Variants in RASA1 observed in about 807,000 individuals in gnomAD.
RASA1 encodes ras GTPase-activating protein 1.
Under a neutral mutation model 132.2 loss-of-function variants are expected in RASA1, and 25 were observed. The ratio of observed to expected loss-of-function variants is 0.19; its 90% CI spans 0.14 to 0.26. The LOEUF is 0.26. Among genes scored for constraint, RASA1 ranks in the 10% least tolerant of loss-of-function variants. RASA1 has a pLI of 1.00. For missense variants in RASA1, 964 were observed against 1,299.2 expected (o/e 0.74, Z 3.97); for synonymous variants, 477 against 449.9 (o/e 1.06, Z -0.76).
intron 11 of RASA1, among the ~76,000 whole-genome samples, chr5:87,368,358 CATTTTA>C (rs1760681175): frequency 6.6e-6 from 1 of 151,968 alleles, no homozygotes. Flanking sequence ...TTTTCTTAAA[CATTTTA>C]ATTATAATTA....
chr5:87,358,492 C>A (rs1490716036), intron 9 of RASA1, among the ~76,000 whole-genome samples: 1 of 152,148 alleles, frequency 6.6e-6, no homozygotes, highest in Admixed American at 6.5e-5. Flanking sequence ...TCAGGAAGAT[C>A]ATACTGACTC....
chr5:87,322,664 T>C (rs1756916780), intron 1 of RASA1, among the ~76,000 whole-genome samples: 1 of 152,196 alleles, frequency 6.6e-6, no homozygotes, highest in African/African-American at 2.4e-5. Flanking sequence ...TCTATAGTCC[T>C]GCAGAACCAT....
intron 1 of RASA1, among the ~76,000 whole-genome samples, chr5:87,325,290 A>G (rs770865411): frequency 6.6e-6 from 1 of 152,242 alleles, no homozygotes; most frequent in Admixed American, 6.5e-5. Flanking sequence ...GGTCCCACCC[A>G]CAACATGTGG....
intron 1 of RASA1, among the ~76,000 whole-genome samples, chr5:87,324,600 C>T (rs1185103034): frequency 6.6e-6 from 1 of 152,082 alleles, no homozygotes; most frequent in Non-Finnish European, 1.5e-5. Context: ...GCATTTCTGC[C>T]CTTACTTTGA....
chr5:87,304,509 C>T (rs1755519262), intron 1 of RASA1, among the ~76,000 whole-genome samples: 1 of 151,040 alleles, frequency 6.6e-6, no homozygotes, highest in South Asian at 2.1e-4. Context: ...ACTCTGTTGC[C>T]CAGGCCGGAG....
chr5:87,272,269 C>G (rs920504048), intron 1 of RASA1, among the ~76,000 whole-genome samples: 3 of 151,920 alleles, frequency 2.0e-5, no homozygotes, highest in Non-Finnish European at 4.4e-5. Flanking sequence ...GTATATGAAA[C>G]TTGTTCATGT....
intron 6 of RASA1, among the ~76,000 whole-genome samples, chr5:87,345,721 A>G (rs1758812720): frequency 6.6e-6 from 1 of 152,146 alleles, no homozygotes; most frequent in Non-Finnish European, 1.5e-5. Context: ...AACAATGTGA[A>G]TGACCTCTGA....
At position 87,390,871 on chromosome 5, in the gene RASA1, T is replaced by C. The variant is rs149297860; in HGVS notation, c.3132T>C (p.Asn1044=). Residue 1044 remains asparagine (N), a synonymous_variant, in exon 25 of 25, where the codon AAT becomes AAC. Transcript: ENST00000274376. Reference sequence around the variant, plus strand: ...AACAAAACCAGTATACAAAAACCAATGATGTCAGGTAGCAGCCTTCGCCCC... The same window carrying C: ...AACAAAACCAGTATACAAAAACCAACGATGTCAGGTAGCAGCCTTCGCCCC... ...QQKQNQYTKT[N]DVR is the part of the protein sequence containing the mutation. 5.5e-5 allele frequency: 88 copies of C among 1,611,376 alleles called. No individual in the cohort carries two copies. The highest frequency in any genetic ancestry group is 1.6e-4 in the Middle Eastern group (1 of 6,072).
chr5:87,385,770 A>G (rs1482358213), intron 22 of RASA1, among the ~76,000 whole-genome samples: 2 of 152,168 alleles, frequency 1.3e-5, no homozygotes, highest in East Asian at 1.9e-4. Context: ...TGTACTATCT[A>G]AGGATAATGA....
rs561820281 is a variant in RASA1 at position 87,308,644 on chromosome 5, A to C, written c.540-22704A>C. 4.6e-5 allele frequency among the ~76,000 whole-genome samples: 7 copies of C among 152,344 alleles called. No individual in the cohort carries two copies. The South Asian group carries it at 1.4e-3, about 32-fold the overall frequency. On this transcript the variant is annotated intron_variant, in intron 1 of 24. Coordinates refer to ENST00000274376, the MANE Select transcript of RASA1 (RefSeq NM_002890.3). ...TATAATGTACATGCATTTGTATAAC[A>C]CATAAGTATACGTTTACCTATGTGT...
intron 11 of RASA1, among the ~76,000 whole-genome samples, chr5:87,367,718 G>C (rs1261105013): frequency 6.6e-6 from 1 of 152,074 alleles, no homozygotes; most frequent in Non-Finnish European, 1.5e-5. Flanking sequence ...TCTCACTGTG[G>C]TATTTATTGC....
At chr5:87,342,307 C>G (rs1758531720) in intron 6 of RASA1, among the ~76,000 whole-genome samples, 1 of 151,980 alleles carries the variant, frequency 6.6e-6, no homozygotes, top group African/African-American at 2.4e-5. Context: ...CACCGGCGCA[C>G]AACACCATGC....
At chr5:87,283,493 A>G (rs1322569173) in intron 1 of RASA1, among the ~76,000 whole-genome samples, 1 of 152,064 alleles carries the variant, frequency 6.6e-6, no homozygotes, top group Non-Finnish European at 1.5e-5. Flanking sequence ...TGTTTACTAT[A>G]GAAAATTTGG....
chr5:87,305,406 A>G (rs1047706818), intron 1 of RASA1, among the ~76,000 whole-genome samples: 9 of 152,188 alleles, frequency 5.9e-5, no homozygotes, highest in African/African-American at 2.2e-4. Flanking sequence ...GGAAAGGACT[A>G]TTAAATGGTG....
chr5:87,331,357 C>A lies in RASA1; in HGVS notation c.549C>A (p.His183Gln). ...LTAPPTNQWY[H>Q]GKLDRTIAEE... is the part of the protein sequence containing the mutation. ...TCTGTTTTTCCCCTAGGTGGTATCA[C>A]GGAAAACTTGACAGAACGATAGCAG... The change falls in exon 2 of 25, where the codon CAC (histidine) becomes CAA (glutamine). Residue 183 changes from histidine (H) to glutamine (Q), a missense_variant. Coordinates refer to ENST00000274376, the MANE Select transcript of RASA1 (RefSeq NM_002890.3). The A allele has an allele frequency of 1.2e-6, 2 of 1,607,990 alleles. No homozygotes were observed. The highest frequency in any genetic ancestry group is 1.3e-5 in the African/African-American group (1 of 74,860).
rs1176105751 is a variant in RASA1 at position 87,268,473 on chromosome 5, A to C, written c.22A>C (p.Ser8Arg). Residue 8 changes from serine to arginine, a missense_variant, in exon 1 of 25, where the codon AGT becomes CGT. Coordinates refer to ENST00000274376, the MANE Select transcript of RASA1 (RefSeq NM_002890.3). MMAAEAG[S>R]EEGGPVTAGA... ...CAACATGATGGCGGCCGAGGCCGGCAGTGAGGAGGGCGGCCCGGTAACAGC... is the reference window on the plus strand; with the variant it reads ...CAACATGATGGCGGCCGAGGCCGGCCGTGAGGAGGGCGGCCCGGTAACAGC... The C allele has an allele frequency of 1.9e-6, 3 of 1,552,890 alleles. No individual in the cohort carries two copies. The highest frequency in any genetic ancestry group is 1.7e-6 in the Non-Finnish European group (2 of 1,148,858).
intron 6 of RASA1, among the ~76,000 whole-genome samples, chr5:87,341,861 TTTTC>T (rs1489901463): frequency 6.6e-6 from 1 of 152,146 alleles, no homozygotes; most frequent in African/African-American, 2.4e-5. Context: ...GTACAACATT[TTTTC>T]TTATCTTTCA....
At chr5:87,346,085 GAATATAA>G (rs1398315323) in intron 6 of RASA1, among the ~76,000 whole-genome samples, 1 of 152,018 alleles carries the variant, frequency 6.6e-6, no homozygotes, top group Non-Finnish European at 1.5e-5. Context: ...TAAGAATACA[GAATATAA>G]AATACATAGC....
chr5:87,366,441 A>T (rs1298043965), intron 11 of RASA1: 1 of 360,552 alleles, frequency 2.8e-6, no homozygotes, highest in African/African-American at 2.1e-5. Flanking sequence ...CAGAGTAAAA[A>T]GAAGGATCAG....
Sources: allele counts gnomAD v4.1 joint callset (sites outside exome capture counted in the v4.1 genomes callset), GRCh38; gene constraint gnomAD v4.1.1; transcripts MANE v1.5; gene names NCBI Gene and HGNC (gene_info 2026-07-23, HGNC 2026-07-21).